The following UNC13C variants were observed in gnomAD, a reference collection of about 807,000 sequenced individuals.
UNC13C encodes protein unc-13 homolog C.
A neutral mutation model predicts 245.4 loss-of-function variants in UNC13C; 174 were observed. The ratio of observed to expected loss-of-function variants is 0.71; its 90% CI spans 0.63 to 0.80. The LOEUF is 0.80. Ranked by LOEUF, UNC13C falls within the 30% of genes least tolerant of loss-of-function variation. UNC13C has a pLI of 0.00. For missense variants in UNC13C, 2,829 were observed against 2,602.9 expected, an observed-to-expected ratio of 1.09 and a Z score of -1.89; for synonymous variants, 992 against 895.1, an observed-to-expected ratio of 1.11 and a Z score of -1.93.
chr15:54,305,527 A>G (rs2037702915), intron 13 of UNC13C, among the ~76,000 whole-genome samples: 1 of 152,092 alleles, frequency 6.6e-6, no homozygotes, highest in Non-Finnish European at 1.5e-5. Flanking sequence ...CTGTTTATGA[A>G]TAAATCTATC....
intron 18 of UNC13C, among the ~76,000 whole-genome samples, chr15:54,405,117 C>A (rs2040265292): frequency 6.6e-6 from 1 of 152,076 alleles, no homozygotes; most frequent in African/African-American, 2.4e-5. Context: ...AGTGACTATG[C>A]AAAATATTTA....
At chr15:54,084,370 G>A (rs971689792) in intron 2 of UNC13C, among the ~76,000 whole-genome samples, 3 of 152,186 alleles carry the variant, frequency 2.0e-5, no homozygotes, top group Admixed American at 6.5e-5. Context: ...GTGAGTATAT[G>A]AGTTGTCTTT....
At chr15:53,923,165 A>T in the UNC13C span, among the ~76,000 whole-genome samples, 1 of 152,228 alleles carries the variant, frequency 6.6e-6, no homozygotes, top group Non-Finnish European at 1.5e-5. Context: ...AGATCAAATG[A>T]CATAATTTCT....
the UNC13C span, among the ~76,000 whole-genome samples, chr15:53,966,435 C>T: frequency 1.3e-5 from 2 of 152,142 alleles, no homozygotes; most frequent in Non-Finnish European, 2.9e-5. Context: ...GGAGATATCA[C>T]AAGAATAATA....
At chr15:54,290,991 T>C (rs1192530698) in intron 10 of UNC13C, among the ~76,000 whole-genome samples, 1 of 152,082 alleles carries the variant, frequency 6.6e-6, no homozygotes. Flanking sequence ...ATGATAACTG[T>C]ATCTTTTGCT....
chr15:54,537,786 T>C (rs1490495186), intron 26 of UNC13C, among the ~76,000 whole-genome samples: 4 of 152,050 alleles, frequency 2.6e-5, no homozygotes, highest in African/African-American at 9.7e-5. Flanking sequence ...GCTAGCCATA[T>C]GCAGAAGATT....
intron 2 of UNC13C, among the ~76,000 whole-genome samples, chr15:54,058,135 GAC>G (rs1213492981): frequency 6.6e-6 from 1 of 151,976 alleles, no homozygotes; most frequent in Non-Finnish European, 1.5e-5. Flanking sequence ...AGGAAATAGA[GAC>G]ACAAAAAACC....
At chr15:54,140,058 A>G (rs997368895) in intron 2 of UNC13C, among the ~76,000 whole-genome samples, 9 of 152,114 alleles carry the variant, frequency 5.9e-5, no homozygotes, top group African/African-American at 2.2e-4. Context: ...CCAGGACCAT[A>G]CTGTTTTAGC....
chr15:54,484,673 TAAG>T (rs1378540546), intron 19 of UNC13C, among the ~76,000 whole-genome samples: 3 of 152,108 alleles, frequency 2.0e-5, no homozygotes, highest in Admixed American at 2.0e-4. Context: ...TAGTAAATAA[TAAG>T]GAGATGAAGG....
intron 13 of UNC13C, among the ~76,000 whole-genome samples, chr15:54,313,767 C>T (rs963846581): frequency 6.6e-6 from 1 of 151,150 alleles, no homozygotes; most frequent in African/African-American, 2.4e-5. Flanking sequence ...AAGTAATACA[C>T]AATATTGAAG....
intron 2 of UNC13C, among the ~76,000 whole-genome samples, chr15:54,035,726 A>C (rs1386865706): frequency 6.6e-6 from 1 of 152,178 alleles, no homozygotes; most frequent in Non-Finnish European, 1.5e-5. Flanking sequence ...TCCATCAACC[A>C]AGATAGCAGA....
chr15:54,629,851 A>G (rs1201511176), downstream of UNC13C: 1 of 152,218 alleles, frequency 6.6e-6, no homozygotes, highest in Non-Finnish European at 1.5e-5. Context: ...TATACAATAT[A>G]TATCAAAGCC....
At chr15:54,120,574 C>G (rs531533789) in intron 2 of UNC13C, among the ~76,000 whole-genome samples, 2 of 152,024 alleles carry the variant, frequency 1.3e-5, no homozygotes, top group Non-Finnish European at 1.5e-5. Context: ...TTTTGACTCT[C>G]AAGTCTCATT....
chr15:54,131,319 TTC>T lies in UNC13C; in HGVS notation c.2984-11695_2984-11694del, dbSNP rs763387418. On this transcript the variant is annotated intron_variant, in intron 2 of 32. Coordinates refer to ENST00000260323, the MANE Select transcript of UNC13C (RefSeq NM_001080534.3). ...AAAATTTTGATTGTGTTATATGTCATTCTCTTGCTTGAAAATATTGTGTGATT... is the reference window on the plus strand; with the variant it reads ...AAAATTTTGATTGTGTTATATGTCATTCTTGCTTGAAAATATTGTGTGATT... Among the ~76,000 whole-genome samples, 109 of 152,300 alleles carry T rather than the reference TTC, an allele frequency of 7.2e-4. 1 individual carries two copies. The highest frequency in any genetic ancestry group is 1.4e-3 in the Non-Finnish European group (94 of 68,026).
chr15:53,976,567 G>T (rs1483669322), upstream of UNC13C, among the ~76,000 whole-genome samples: 1 of 140,888 alleles, frequency 7.1e-6, no homozygotes, highest in Non-Finnish European at 1.5e-5. Context: ...CGCCTTCCAG[G>T]TTCAAGTGAT....
chr15:54,142,352 A>T lies in UNC13C; in HGVS notation c.2984-666A>T, dbSNP rs557860721. On this transcript the variant is annotated intron_variant, in intron 2 of 32. Coordinates refer to ENST00000260323, the MANE Select transcript of UNC13C (RefSeq NM_001080534.3). Reference sequence around the variant, plus strand: ...AAACATTAGATGTAAAGAGCACCAGATGGGAGATCAGGAGCCCTGGATTTG... The same window carrying T: ...AAACATTAGATGTAAAGAGCACCAGTTGGGAGATCAGGAGCCCTGGATTTG... 3.3e-4 allele frequency among the ~76,000 whole-genome samples: 50 copies of T among 152,302 alleles called. 1 individual carries two copies. The South Asian group carries it at 1.0e-2, about 30-fold the overall frequency.
At chr15:54,094,060 C>T (rs148475509) in intron 2 of UNC13C, among the ~76,000 whole-genome samples, 11 of 151,422 alleles carry the variant, frequency 7.3e-5, no homozygotes, top group Admixed American at 2.0e-4. Context: ...AGGCTTCCCA[C>T]GGGCTACACT....
intron 30 of UNC13C, among the ~76,000 whole-genome samples, chr15:54,612,358 A>G (rs1232175523): frequency 1.3e-5 from 2 of 151,888 alleles, no homozygotes; most frequent in African/African-American, 2.4e-5. Context: ...TGAATTGTCT[A>G]TTTCTTTCTT....
chr15:54,586,248 G>A (rs1356273082), intron 30 of UNC13C, among the ~76,000 whole-genome samples: 1 of 152,176 alleles, frequency 6.6e-6, no homozygotes, highest in Non-Finnish European at 1.5e-5. Context: ...TTAACATGGA[G>A]AACATATTAG....
Sources: allele counts gnomAD v4.1 joint callset (sites outside exome capture counted in the v4.1 genomes callset), GRCh38; gene constraint gnomAD v4.1.1; transcripts MANE v1.5; gene names NCBI Gene and HGNC (gene_info 2026-07-23, HGNC 2026-07-21).